Variants in CFAP20DC observed in about 807,000 individuals in gnomAD.
The protein encoded by CFAP20DC is protein CFAP20DC.
In CFAP20DC, 84 loss-of-function variants were observed where a neutral mutation model predicts 101.7. The observed-to-expected ratio is 0.83, with a 90% CI of 0.69 to 0.99. The LOEUF (loss-of-function observed/expected upper bound fraction) is 0.99. Ranked by LOEUF, CFAP20DC falls within the 50% of genes least tolerant of loss-of-function variation. The probability of loss-of-function intolerance (pLI) is 0.00; values close to 1 mark genes in which losing one functional copy is unlikely to be tolerated. For synonymous variants in CFAP20DC, 359 were observed against 351.2 expected (o/e 1.02, Z -0.25); for missense variants, 1,007 against 970.3 (o/e 1.04, Z -0.50).
At chr3:58,949,849 G>A (rs1461690777) in intron 4 of CFAP20DC, among the ~76,000 whole-genome samples, 1 of 152,122 alleles carries the variant, frequency 6.6e-6, no homozygotes, top group Non-Finnish European at 1.5e-5. Flanking sequence ...CATTCCCTTT[G>A]AAAACTCGCA....
At chr3:59,021,438 G>A (rs1039259378) in intron 4 of CFAP20DC, among the ~76,000 whole-genome samples, 4 of 152,174 alleles carry the variant, frequency 2.6e-5, no homozygotes, top group African/African-American at 9.6e-5. Context: ...TAAGGTGACT[G>A]TCAAGTGTCT....
chr3:58,889,318 C>T (rs1054680511), intron 6 of CFAP20DC, among the ~76,000 whole-genome samples: 1 of 152,126 alleles, frequency 6.6e-6, no homozygotes, highest in African/African-American at 2.4e-5. Flanking sequence ...AACCCCATCA[C>T]AGCAACCAAT....
rs552805896 is a variant in CFAP20DC, at chr3:58,890,713, C to T, written c.551-6004G>A. The stretch of plus-strand genomic sequence containing the variant: ...GGGTCTCCTCACTTCTCAGACGGGG[C>T]GGCCGGGCAGAGACGCTCCTCACCT... On this transcript the variant is annotated intron_variant, in intron 6 of 16. Coordinates refer to ENST00000482387, the MANE Select transcript of CFAP20DC (RefSeq NM_001394063.1). Among the ~76,000 whole-genome samples the T allele has an allele frequency of 1.0e-2, 1,430 of 143,640 alleles. 28 individuals carry two copies. Among genetic ancestry groups the T allele is most frequent in the African/African-American group, 0.035 (1,344 of 38,232 alleles). 94.2% of individuals were successfully genotyped at this position (143,640 alleles called of 152,430 possible). A position where few individuals can be genotyped will look rare whatever the true frequency, so the allele number is the denominator to read the frequency against.
At chr3:58,754,445 G>A (rs1384636187) in intron 15 of CFAP20DC, among the ~76,000 whole-genome samples, 2 of 152,026 alleles carry the variant, frequency 1.3e-5, no homozygotes, top group Non-Finnish European at 2.9e-5. Context: ...GCTTCCTCTC[G>A]TAGATACCTG....
At chr3:58,940,105 C>T (rs2088323335) in intron 4 of CFAP20DC, among the ~76,000 whole-genome samples, 1 of 152,186 alleles carries the variant, frequency 6.6e-6, no homozygotes, top group Non-Finnish European at 1.5e-5. Context: ...AAGAGTCAAA[C>T]TCCAAATGGA....
intron 16 of CFAP20DC, among the ~76,000 whole-genome samples, chr3:58,752,849 C>A (rs954330925): frequency 4.6e-5 from 7 of 152,034 alleles, no homozygotes; most frequent in Non-Finnish European, 8.8e-5. Context: ...GGAAAAAAAA[C>A]AAAACCTGGC....
chr3:58,805,656 T>A (rs2074001387), intron 15 of CFAP20DC, among the ~76,000 whole-genome samples: 1 of 152,194 alleles, frequency 6.6e-6, no homozygotes, highest in African/African-American at 2.4e-5. Flanking sequence ...TATGGACTTT[T>A]CAATAATTTC....
intron 5 of CFAP20DC, 147 bp downstream of exon 5, chr3:58,937,501 C>A (rs190915720): frequency 3.6e-5 from 22 of 618,824 alleles, no homozygotes; most frequent in Non-Finnish European, 6.1e-5. Context: ...TAAGCTCTTT[C>A]AAGAGAGGGG....
At chr3:58,852,907 A>C (rs973073573) in intron 12 of CFAP20DC, among the ~76,000 whole-genome samples, 2 of 151,692 alleles carry the variant, frequency 1.3e-5, no homozygotes, top group African/African-American at 4.8e-5. Context: ...TGACACCCTA[A>C]CATCACAATT....
intron 12 of CFAP20DC, among the ~76,000 whole-genome samples, chr3:58,853,005 A>G (rs936637685): frequency 1.3e-5 from 2 of 152,230 alleles, no homozygotes; most frequent in African/African-American, 4.8e-5. Context: ...TCAAGGAAAT[A>G]GAAACACAAA....
rs148344354 is a variant in CFAP20DC at position 58,861,630 on chromosome 3, G to A, written c.1593+1928C>T. Reference sequence around the variant, plus strand: ...TAGCATTTTTGTTGGTCCTATTTTTGTATCTTAGCTTGTATCTCGTTAGTC... The same window carrying A: ...TAGCATTTTTGTTGGTCCTATTTTTATATCTTAGCTTGTATCTCGTTAGTC... On this transcript the variant is annotated intron_variant, in intron 12 of 16. Transcript: ENST00000482387. This position sits in a 1 kb window ranked among gnomAD's most constrained non-coding sequence, Gnocchi z 4.0. The A allele has an allele frequency of 1.0e-6, 1 of 985,362 alleles. No individual in the cohort carries two copies. The highest frequency in any genetic ancestry group is 1.1e-4 in the East Asian group (1 of 8,818). The allele number at this position is 985,362 out of a possible 1,614,324, so 61.0% of individuals were successfully genotyped here.
chr3:58,870,412 A>T (rs2080065102), intron 7 of CFAP20DC, 103 bp from the exon 8 acceptor site: 18 of 1,110,456 alleles, frequency 1.6e-5, no homozygotes, highest in Non-Finnish European at 2.4e-5. Context: ...ATAGGATCCA[A>T]ATCCCCCCTC....
downstream of CFAP20DC, chr3:58,717,270 T>A (rs947875785): frequency 5.7e-6 from 1 of 174,202 alleles, no homozygotes; most frequent in Non-Finnish European, 1.2e-5. The surrounding 1 kb of genome is among the most constrained non-coding windows in gnomAD (Gnocchi z 4.1). Context: ...GGCTTGCCAA[T>A]TGAGAGCAAA....
chr3:58,845,160 A>G (rs945655890), intron 13 of CFAP20DC, among the ~76,000 whole-genome samples: 2 of 151,332 alleles, frequency 1.3e-5, no homozygotes, highest in African/African-American at 4.9e-5. Context: ...AATAACTAAA[A>G]TCAGAGCAGA....
At chr3:58,806,623 G>C (rs964408097) in intron 14 of CFAP20DC, among the ~76,000 whole-genome samples, 167 bp from the exon 15 acceptor site, 4 of 152,168 alleles carry the variant, frequency 2.6e-5, no homozygotes, top group Non-Finnish European at 5.9e-5. Flanking sequence ...CCAGTGTACA[G>C]CTCCCAGCGT....
chr3:58,742,614 G>T (rs760384146), intron 16 of CFAP20DC, 42 bp from the exon 17 acceptor site: 2 of 1,485,186 alleles, frequency 1.3e-6, no homozygotes, highest in Non-Finnish European at 1.8e-6. Context: ...CTGTTGGCTT[G>T]GCCCGGAATC....
intron 15 of CFAP20DC, among the ~76,000 whole-genome samples, chr3:58,770,546 G>A (rs1337269105): frequency 6.6e-6 from 1 of 152,194 alleles, no homozygotes; most frequent in East Asian, 1.9e-4. Context: ...ATTCCTGAAG[G>A]ATGAGAATGA....
At chr3:58,982,077 C>T (rs923978147) in intron 4 of CFAP20DC, among the ~76,000 whole-genome samples, 4 of 152,140 alleles carry the variant, frequency 2.6e-5, no homozygotes, top group African/African-American at 9.7e-5. Flanking sequence ...CAAAAGAAGA[C>T]ATTTATGCAG....
At chr3:58,884,393 T>TTG in intron 7 of CFAP20DC, 152 bp downstream of exon 7, 1 of 628,476 alleles carries the variant, frequency 1.6e-6, no homozygotes, top group Non-Finnish European at 2.7e-6. Context: ...TAATCTGAGT[T>TTG]TGTAGCCCCT....
Sources: allele counts gnomAD v4.1 joint callset (sites outside exome capture counted in the v4.1 genomes callset), GRCh38; gene constraint gnomAD v4.1.1; non-coding constraint Gnocchi (gnomAD v3.1); transcripts MANE v1.5; gene names NCBI Gene and HGNC (gene_info 2026-07-23, HGNC 2026-07-21).